TIAM1: variants seen among roughly 807,000 people sequenced by gnomAD.
The protein encoded by TIAM1 is TIAM Rac1 associated GEF 1.
TIAM1 carries 65 observed loss-of-function variants against 163.5 expected under a neutral mutation model. That is an observed-to-expected ratio of 0.40 (90% confidence interval 0.33 to 0.49). The LOEUF (loss-of-function observed/expected upper bound fraction) is 0.49, where lower values mean the gene tolerates loss of function less well. Ranked by LOEUF, TIAM1 falls within the 20% of genes least tolerant of loss-of-function variation. The pLI is 0.77. For synonymous variants in TIAM1, 833 were observed against 810.1 expected, an observed-to-expected ratio of 1.03 and a Z score of -0.48; for missense variants, 1,789 against 2,044.7, an observed-to-expected ratio of 0.87 and a Z score of 2.41.
intron 2 of TIAM1, among the ~76,000 whole-genome samples, chr21:31,281,766 G>A (rs2146879159): frequency 6.6e-6 from 1 of 152,148 alleles, no homozygotes; most frequent in East Asian, 1.9e-4. Context: ...ATGGATGGAT[G>A]GGTGGTGGAT....
At chr21:31,274,787 T>C (rs1329696602) in intron 3 of TIAM1, among the ~76,000 whole-genome samples, 4 of 152,146 alleles carry the variant, frequency 2.6e-5, no homozygotes, top group African/African-American at 7.2e-5. Flanking sequence ...CATACAGACC[T>C]TGAGACAGCT....
intron 1 of TIAM1, among the ~76,000 whole-genome samples, chr21:31,343,746 C>A (rs574019246): frequency 1.0e-3 from 157 of 152,300 alleles, no homozygotes; most frequent in Non-Finnish European, 1.7e-3. Flanking sequence ...GCGGGACAGC[C>A]CCGGGCAGGA....
intron 2 of TIAM1, among the ~76,000 whole-genome samples, chr21:31,418,234 C>T (rs1051809424): frequency 6.0e-5 from 9 of 149,460 alleles, no homozygotes; most frequent in Admixed American, 2.7e-4. Flanking sequence ...CCCAGCTACT[C>T]GGGAGGCTGA....
At chr21:31,287,341 A>C (rs2073850664) in intron 2 of TIAM1, among the ~76,000 whole-genome samples, 1 of 152,222 alleles carries the variant, frequency 6.6e-6, no homozygotes, top group African/African-American at 2.4e-5. Flanking sequence ...AGTTCAACTC[A>C]ACCAACATTT....
rs771736350 is a variant in TIAM1, at chr21:31,141,202, G to A, written c.3690C>T (p.His1230=). Residue 1230 remains histidine, a synonymous_variant, in exon 22 of 28, where the codon CAC becomes CAT. Coordinates refer to ENST00000541036, the MANE Select transcript of TIAM1 (RefSeq NM_001353694.2). This position sits in a 1 kb window ranked among gnomAD's most constrained non-coding sequence, Gnocchi z 4.7. ...CATGGATTTTCTGCATCTCATTGATGTGACTGGCAACCTTGTTCATGGTCT... is the reference window on the plus strand; with the variant it reads ...CATGGATTTTCTGCATCTCATTGATATGACTGGCAACCTTGTTCATGGTCT... ...AIKTMNKVAS[H]INEMQKIHEE... is the part of the protein sequence containing the mutation. 2 of 1,614,196 alleles carry A rather than the reference G, an allele frequency of 1.2e-6. No individual in the cohort carries two copies. Among genetic ancestry groups the A allele is most frequent in the South Asian group, 1.1e-5 (1 of 91,084 alleles).
intron 3 of TIAM1, among the ~76,000 whole-genome samples, chr21:31,268,053 A>G (rs112770714): frequency 1.3e-5 from 2 of 152,214 alleles, no homozygotes; most frequent in Non-Finnish European, 2.9e-5. Flanking sequence ...AAGTCTCTCT[A>G]GCGCACTTCA....
At chr21:31,434,525 G>A (rs1427904806) in intron 2 of TIAM1, among the ~76,000 whole-genome samples, 3 of 152,190 alleles carry the variant, frequency 2.0e-5, no homozygotes, top group East Asian at 1.9e-4. Flanking sequence ...TGTTATGCTC[G>A]AATATTGTGA....
chr21:31,134,404 C>G (rs930940340), intron 23 of TIAM1, among the ~76,000 whole-genome samples: 1 of 152,156 alleles, frequency 6.6e-6, no homozygotes, highest in Admixed American at 6.5e-5. Context: ...CTACTTCCCC[C>G]CTCCCCCAAA....
intron 1 of TIAM1, among the ~76,000 whole-genome samples, chr21:31,549,238 T>C (rs2048601310): frequency 6.6e-6 from 1 of 152,150 alleles, no homozygotes; most frequent in Non-Finnish European, 1.5e-5. Context: ...ATGCCAGAAG[T>C]GTAGAAAAGG....
upstream of TIAM1, among the ~76,000 whole-genome samples, chr21:31,345,431 A>C (rs539448719): frequency 7.3e-5 from 11 of 150,912 alleles, no homozygotes; most frequent in African/African-American, 2.7e-4. Flanking sequence ...TCAAATATAT[A>C]TGTATATATA....
At chr21:31,233,010 G>GA (rs1354106073) in intron 6 of TIAM1, among the ~76,000 whole-genome samples, 23 of 152,220 alleles carry the variant, frequency 1.5e-4, no homozygotes, top group Non-Finnish European at 2.8e-4. Flanking sequence ...TTTGAGTGCA[G>GA]AGATAAGATG....
At chr21:31,210,660 A>G (rs1391183929) in intron 10 of TIAM1, among the ~76,000 whole-genome samples, 211 of 18,298 alleles carry the variant, frequency 0.012, 12 homozygotes, top group African/African-American at 0.051. Flanking sequence ...AAAGAAAGAA[A>G]GAAAGAAAAA....
chr21:31,222,676 C>CAA (rs1310227960), intron 8 of TIAM1, among the ~76,000 whole-genome samples: 691 of 48,124 alleles, frequency 0.014, 45 homozygotes, highest in African/African-American at 0.043. Context: ...TGTACACATA[C>CAA]ATATATATAT....
At chr21:31,489,068 C>T (rs914501355) in intron 1 of TIAM1, among the ~76,000 whole-genome samples, 1 of 151,202 alleles carries the variant, frequency 6.6e-6, no homozygotes, top group African/African-American at 2.4e-5. Context: ...GCCAACTAAA[C>T]GGTAACAATA....
intron 15 of TIAM1, among the ~76,000 whole-genome samples, chr21:31,169,459 A>T (rs1164896869): frequency 6.6e-6 from 1 of 152,232 alleles, no homozygotes; most frequent in Non-Finnish European, 1.5e-5. Context: ...TGGAACATCT[A>T]TCCGAAGACA....
At chr21:31,504,792 C>T (rs982236504) in intron 1 of TIAM1, among the ~76,000 whole-genome samples, 1 of 152,028 alleles carries the variant, frequency 6.6e-6, no homozygotes, top group Non-Finnish European at 1.5e-5. Flanking sequence ...TTTTCAGGAT[C>T]TCATGCTTGC....
At chr21:31,351,481 A>G (rs2076233335) in intron 2 of TIAM1, among the ~76,000 whole-genome samples, 1 of 152,240 alleles carries the variant, frequency 6.6e-6, no homozygotes, top group Admixed American at 6.5e-5. Context: ...GAGCCCATCT[A>G]GAATTAATAA....
chr21:31,458,727 C>T (rs112690785), intron 2 of TIAM1, among the ~76,000 whole-genome samples: 2 of 150,708 alleles, frequency 1.3e-5, no homozygotes, highest in Admixed American at 6.6e-5. Flanking sequence ...AGTGCCATGA[C>T]GAGAACAGAG....
chr21:31,490,971 A>C (rs568913737), intron 1 of TIAM1, among the ~76,000 whole-genome samples: 1 of 152,194 alleles, frequency 6.6e-6, no homozygotes, highest in Non-Finnish European at 1.5e-5. Flanking sequence ...CTAAAAATAC[A>C]AAAATTAGCC....
Sources: allele counts gnomAD v4.1 joint callset (sites outside exome capture counted in the v4.1 genomes callset), GRCh38; gene constraint gnomAD v4.1.1; non-coding constraint Gnocchi (gnomAD v3.1); transcripts MANE v1.5; gene names NCBI Gene and HGNC (gene_info 2026-07-23, HGNC 2026-07-21).